Variants in MYMX observed in about 807,000 individuals in gnomAD.
The protein encoded by MYMX is myomixer, myoblast fusion factor, also known as protein myomixer.
At chr6:44,195,888 T>G in the MYMX span, among the ~76,000 whole-genome samples, 1 of 152,314 alleles carries the variant, frequency 6.6e-6, no homozygotes, top group African/African-American at 2.4e-5. Flanking sequence ...GACACTTAAG[T>G]TGTTTCTAAT....
the MYMX span, among the ~76,000 whole-genome samples, chr6:44,193,235 C>T: frequency 1.3e-5 from 2 of 152,052 alleles, no homozygotes; most frequent in Non-Finnish European, 2.9e-5. Flanking sequence ...ACAAAGAGTG[C>T]TACTAGTCAT....
the MYMX span, among the ~76,000 whole-genome samples, chr6:44,196,927 C>T: frequency 6.6e-6 from 1 of 151,950 alleles, no homozygotes; most frequent in Non-Finnish European, 1.5e-5. Flanking sequence ...CATTGCATTC[C>T]AACCTGGGTA....
chr6:44,198,154 C>CTTTT, the MYMX span, among the ~76,000 whole-genome samples: 6 of 79,776 alleles, frequency 7.5e-5, no homozygotes, highest in African/African-American at 1.1e-4. Context: ...CCAAATTCCT[C>CTTTT]TTTTTTTTTT....
the MYMX span, among the ~76,000 whole-genome samples, chr6:44,211,788 TTGTGTGTGTGTG>T: frequency 7.9e-6 from 1 of 126,382 alleles, no homozygotes; most frequent in African/African-American, 3.1e-5. Flanking sequence ...CAGCTAGGTT[TTGTGTGTGTGTG>T]TGTGTGTGTG....
the MYMX span, among the ~76,000 whole-genome samples, chr6:44,208,646 C>G: frequency 6.6e-6 from 1 of 152,224 alleles, no homozygotes; most frequent in Non-Finnish European, 1.5e-5. Flanking sequence ...ACTTCCCTTT[C>G]CCTGAAAGAA....
At chr6:44,196,082 AC>A in the MYMX span, among the ~76,000 whole-genome samples, 2 of 152,128 alleles carry the variant, frequency 1.3e-5, no homozygotes, top group Non-Finnish European at 2.9e-5. Flanking sequence ...AGCTGGAATT[AC>A]GGGCACCTGC....
chr6:44,201,996 A>C, the MYMX span, among the ~76,000 whole-genome samples: 1 of 98,252 alleles, frequency 1.0e-5, no homozygotes, highest in African/African-American at 3.1e-5. Flanking sequence ...ACCCAGACAC[A>C]TGTTTTTAAT....
chr6:44,193,179 A>G, the MYMX span, among the ~76,000 whole-genome samples: 1 of 152,206 alleles, frequency 6.6e-6, no homozygotes, highest in Non-Finnish European at 1.5e-5. Context: ...TGAACCATAT[A>G]CTTGTAAATA....
At chr6:44,199,298 G>A in the MYMX span, among the ~76,000 whole-genome samples, 1 of 152,198 alleles carries the variant, frequency 6.6e-6, no homozygotes, top group East Asian at 1.9e-4. Flanking sequence ...CCAGGCTCAG[G>A]TGATCCTCCC....
upstream of MYMX, among the ~76,000 whole-genome samples, chr6:44,215,692 C>T (rs140910955): frequency 0.011 from 1,598 of 152,148 alleles, 23 homozygotes; most frequent in African/African-American, 0.036. Context: ...GTCAGGAGTT[C>T]GAGACCAGCC....
At chr6:44,215,194 C>CA (rs141044028), upstream of MYMX, among the ~76,000 whole-genome samples, 3,500 of 152,224 alleles carry the variant, frequency 0.023, 124 homozygotes, top group African/African-American at 0.078. Flanking sequence ...TTGAGGTTTA[C>CA]AAAACACTTC....
the MYMX span, among the ~76,000 whole-genome samples, chr6:44,193,790 C>T: frequency 6.6e-6 from 1 of 152,194 alleles, no homozygotes; most frequent in Non-Finnish European, 1.5e-5. Context: ...CGAGACTGGT[C>T]TGGCCAAAAC....
chr6:44,206,910 G>T, the MYMX span, among the ~76,000 whole-genome samples: 4 of 152,120 alleles, frequency 2.6e-5, no homozygotes, highest in Admixed American at 2.6e-4. Flanking sequence ...TCTCCGTGTG[G>T]CCTTGTCAGC....
At chr6:44,214,745 G>A (rs149457628), upstream of MYMX, among the ~76,000 whole-genome samples, 422 of 152,232 alleles carry the variant, frequency 2.8e-3, 2 homozygotes, top group African/African-American at 9.9e-3. Context: ...GTTAATTTTT[G>A]TATTTTTAGT....
At chr6:44,206,386 C>G in the MYMX span, among the ~76,000 whole-genome samples, 1 of 151,998 alleles carries the variant, frequency 6.6e-6, no homozygotes, top group Non-Finnish European at 1.5e-5. Flanking sequence ...CCCGCCACAA[C>G]GTCCAGCTAA....
chr6:44,196,145 G>T, the MYMX span, among the ~76,000 whole-genome samples: 1 of 152,078 alleles, frequency 6.6e-6, no homozygotes, highest in South Asian at 2.1e-4. Context: ...GTTTCACTAT[G>T]TTGGCCAGGC....
At chr6:44,197,222 C>A in the MYMX span, among the ~76,000 whole-genome samples, 1 of 150,656 alleles carries the variant, frequency 6.6e-6, no homozygotes, top group Non-Finnish European at 1.5e-5. Context: ...GGGGACAGAG[C>A]AAGACTTCAT....
the MYMX span, among the ~76,000 whole-genome samples, chr6:44,210,888 G>A: frequency 6.6e-6 from 1 of 152,176 alleles, no homozygotes; most frequent in Non-Finnish European, 1.5e-5. Context: ...CAGCACTTTG[G>A]GAGGCTGAAG....
At chr6:44,204,453 C>T in the MYMX span, among the ~76,000 whole-genome samples, 5 of 152,192 alleles carry the variant, frequency 3.3e-5, no homozygotes, top group African/African-American at 4.8e-5. Flanking sequence ...AGTGACTAGA[C>T]TGTGCCACCC....
Sources: gnomAD v4.1 joint callset for allele counts (sites outside exome capture counted in the v4.1 genomes callset) on GRCh38, gnomAD v4.1.1 for gene constraint, MANE v1.5 for transcripts, NCBI Gene and HGNC (gene_info 2026-07-23, HGNC 2026-07-21) for gene names.